UTRN: variants seen among roughly 807,000 people sequenced by gnomAD.
The protein encoded by UTRN is utrophin.
Under a neutral mutation model 463.9 loss-of-function variants are expected in UTRN, and 283 were observed. That is an observed-to-expected ratio of 0.61 (90% CI 0.55 to 0.67). The LOEUF (loss-of-function observed/expected upper bound fraction) is 0.67. Ranked by LOEUF, UTRN falls within the 30% of genes least tolerant of loss-of-function variation. The pLI, the probability that UTRN is intolerant of heterozygous loss-of-function variation, is 0.00. For synonymous variants in UTRN, 1,442 were observed against 1,431.5 expected, an observed-to-expected ratio of 1.01 and a Z score of -0.17; for missense variants, 3,922 against 4,084.3, an observed-to-expected ratio of 0.96 and a Z score of 1.08.
chr6:144,789,253 A>G lies in UTRN; in HGVS notation c.8894A>G (p.Lys2965Arg), dbSNP rs1776556122. ...AAGATTGGATTAATGTCTCTCTCCA[A>G]AGGTCTCTTGGAAGAAAAATACAGA... ...SLKIGLMSLS[K>R]GLLEEKYRYL... The change falls in exon 62 of 75, where the codon AAA becomes AGA. Residue 2965 changes from lysine (K) to arginine (R), a missense_variant. Coordinates refer to ENST00000367545, the MANE Select transcript of UTRN (RefSeq NM_007124.3). 1.9e-6 allele frequency: 3 copies of G among 1,613,326 alleles called. No individual in the cohort carries two copies.
chr6:144,371,210 T>C (rs1216981883), intron 2 of UTRN, among the ~76,000 whole-genome samples: 1 of 152,252 alleles, frequency 6.6e-6, no homozygotes, highest in Non-Finnish European at 1.5e-5. Flanking sequence ...TATTGCCTAT[T>C]TTTAATAAAT....
chr6:144,348,578 T>TA (rs777226502), intron 2 of UTRN, among the ~76,000 whole-genome samples: 2 of 152,126 alleles, frequency 1.3e-5, no homozygotes, highest in Non-Finnish European at 2.9e-5. Context: ...AACTATAACT[T>TA]ACAGAGGTGA....
Position 144,802,373 on chromosome 6 carries a change from G to A in UTRN, c.9246-663G>A, listed in dbSNP as rs373948374. Among the ~76,000 whole-genome samples the A allele has an allele frequency of 1.4e-4, 22 of 152,194 alleles. No homozygotes were observed. The East Asian group carries it at 1.9e-3, about 13-fold the overall frequency. ...TAAATTTTGCTTCCATTTTCATTCTGTTGGTTCTATCATTTAATTTTTTTT... is the reference window on the plus strand; with the variant it reads ...TAAATTTTGCTTCCATTTTCATTCTATTGGTTCTATCATTTAATTTTTTTT... On this transcript the variant is annotated intron_variant, in intron 64 of 74. Coordinates refer to ENST00000367545, the MANE Select transcript of UTRN (RefSeq NM_007124.3).
chr6:144,553,691 C>T (rs139649967), intron 48 of UTRN, among the ~76,000 whole-genome samples: 2,228 of 152,120 alleles, frequency 0.015, 63 homozygotes, highest in African/African-American at 0.051. Flanking sequence ...CCGAGGCAGA[C>T]AGATCACGAG....
At chr6:144,599,729 A>G (rs941213702) in intron 51 of UTRN, among the ~76,000 whole-genome samples, 21 of 152,330 alleles carry the variant, frequency 1.4e-4, no homozygotes, top group African/African-American at 4.3e-4. Flanking sequence ...CCAGTTAACC[A>G]TACTATTCAG....
In UTRN at chr6:144,303,121, A is replaced by G. The variant is rs372466524; in HGVS notation, c.79+11214A>G. ...TAGCAGAGTTAGGGGGAGGCAGGGAACAGGTAAGAGTTGTGAAAAAATTGA... is the reference window on the plus strand; with the variant it reads ...TAGCAGAGTTAGGGGGAGGCAGGGAGCAGGTAAGAGTTGTGAAAAAATTGA... On this transcript the variant is annotated intron_variant, in intron 2 of 74. Coordinates refer to ENST00000367545, the MANE Select transcript of UTRN (RefSeq NM_007124.3). 1.2e-4 allele frequency among the ~76,000 whole-genome samples: 18 copies of G among 152,316 alleles called. No individual in the cohort carries two copies. The South Asian group carries it at 3.7e-3, about 32-fold the overall frequency.
intron 50 of UTRN, among the ~76,000 whole-genome samples, chr6:144,572,752 A>G (rs1022056301): frequency 6.6e-6 from 1 of 152,178 alleles, no homozygotes. Context: ...GCTGCATAGT[A>G]TTCCATGTTG....
At chr6:144,712,020 A>T (rs978939304) in intron 53 of UTRN, among the ~76,000 whole-genome samples, 4 of 152,078 alleles carry the variant, frequency 2.6e-5, no homozygotes, top group Non-Finnish European at 5.9e-5. Flanking sequence ...TTTTTTCCCT[A>T]CTAAAGTAAT....
chr6:144,448,679 A>G lies in UTRN; in HGVS notation c.1982A>G (p.Gln661Arg), dbSNP rs1787939059. Reference protein sequence around the residue: ...DLLETVRVREQAITKKSKQEL... With the variant: ...DLLETVRVRERAITKKSKQEL... ...TTGGAGACTGTTCGTGTAAGAGAAC[A>G]AGCAATTACAAAAAAATCTAAGCAG... Residue 661 changes from glutamine (Q) to arginine (R), a missense_variant, in exon 17 of 75, where the codon CAA becomes CGA. By Grantham distance (43) the Gln-to-Arg change is conservative. This residue lies in a region of UTRN where 2,349 missense variants were observed against 2,303.8 expected (regional missense o/e 1.02). Coordinates refer to ENST00000367545, the MANE Select transcript of UTRN (RefSeq NM_007124.3). 1 of 1,614,100 alleles carries G rather than the reference A, an allele frequency of 6.2e-7. No individual in the cohort carries two copies. The highest frequency in any genetic ancestry group is 1.7e-4 in the Middle Eastern group (1 of 6,060).
At chr6:144,392,292 G>A (rs965573016) in intron 2 of UTRN, among the ~76,000 whole-genome samples, 2 of 152,000 alleles carry the variant, frequency 1.3e-5, no homozygotes, top group East Asian at 3.9e-4. Context: ...TTGTCTTAGG[G>A]AGAGGATTTA....
chr6:144,692,727 A>G (rs1032645773), intron 52 of UTRN, among the ~76,000 whole-genome samples: 1 of 151,744 alleles, frequency 6.6e-6, no homozygotes, highest in Non-Finnish European at 1.5e-5. Flanking sequence ...TCCTTTGCCC[A>G]CTTTTTATGG....
At chr6:144,849,251 G>A (rs1782283270) in intron 74 of UTRN, among the ~76,000 whole-genome samples, 1 of 152,126 alleles carries the variant, frequency 6.6e-6, no homozygotes, top group Admixed American at 6.6e-5. Context: ...TGATGGAAGG[G>A]CAACCAGGAG....
At chr6:144,721,000 T>G (rs907913202) in intron 53 of UTRN, among the ~76,000 whole-genome samples, 1 of 152,224 alleles carries the variant, frequency 6.6e-6, no homozygotes, top group Non-Finnish European at 1.5e-5. Flanking sequence ...AAAATTTTTA[T>G]TTTGGTGGAA....
At chr6:144,521,855 A>T (rs531424937) in intron 39 of UTRN, 125 bp from the exon 40 acceptor site, 32 of 496,036 alleles carry the variant, frequency 6.5e-5, no homozygotes, top group Non-Finnish European at 8.7e-5. Context: ...TATTAAAACT[A>T]AGTTTTAAAA....
At position 144,332,744 on chromosome 6, in the gene UTRN, T is replaced by G. The variant is rs547752137; in HGVS notation, c.79+40837T>G. 2.0e-5 allele frequency among the ~76,000 whole-genome samples: 3 copies of G among 152,176 alleles called. No homozygotes were observed. In the South Asian group the frequency reaches 6.2e-4, roughly 32 times the overall value. ...TTTGTAAAGTTATTTATGACACTAT[T>G]TTTTATGTATATTCTCAGTTCTCTA... On this transcript the variant is annotated intron_variant, in intron 2 of 74. Coordinates refer to ENST00000367545, the MANE Select transcript of UTRN (RefSeq NM_007124.3).
chr6:144,399,010 A>G (rs963199922), intron 2 of UTRN, among the ~76,000 whole-genome samples: 3 of 152,182 alleles, frequency 2.0e-5, no homozygotes, highest in Non-Finnish European at 4.4e-5. Context: ...AACTTCTTGT[A>G]CACTTAGGTA....
At chr6:144,440,274 A>T in intron 12 of UTRN, 78 bp from the exon 13 acceptor site, 1 of 1,467,464 alleles carries the variant, frequency 6.8e-7, no homozygotes. Flanking sequence ...GTCCTTAATT[A>T]CTATTGACAA....
chr6:144,611,086 T>C (rs1206842363), intron 51 of UTRN, among the ~76,000 whole-genome samples: 1 of 152,192 alleles, frequency 6.6e-6, no homozygotes, highest in African/African-American at 2.4e-5. Flanking sequence ...TACATCACAG[T>C]AACAAAATGA....
intron 51 of UTRN, among the ~76,000 whole-genome samples, chr6:144,584,154 T>G (rs1802239313): frequency 6.6e-6 from 1 of 152,218 alleles, no homozygotes; most frequent in South Asian, 2.1e-4. Context: ...GAATTTAATT[T>G]CACTTGGATG....
Sources: gnomAD v4.1 joint callset for allele counts (sites outside exome capture counted in the v4.1 genomes callset) on GRCh38, gnomAD v4.1.1 for gene constraint, gnomAD v4.1.1 regional missense constraint, MANE v1.5 for transcripts, NCBI Gene and HGNC (gene_info 2026-07-23, HGNC 2026-07-21) for gene names.